MANBA: variants seen among roughly 807,000 people sequenced by gnomAD.
MANBA encodes the protein mannosidase beta, also known as beta-mannosidase.
In MANBA, 83 loss-of-function variants were observed where a neutral mutation model predicts 111.1. The observed-to-expected ratio is 0.75, with a 90% CI of 0.63 to 0.90. MANBA has a LOEUF of 0.90. MANBA is among the 40% of genes least tolerant of loss of function. The pLI is 0.00. For missense variants in MANBA, 1,036 were observed against 1,069.0 expected, an observed-to-expected ratio of 0.97 and a Z score of 0.43; for synonymous variants, 370 against 378.7, an observed-to-expected ratio of 0.98 and a Z score of 0.27.
chr4:102,640,277 A>G (rs1729823360), intron 13 of MANBA, among the ~76,000 whole-genome samples: 1 of 152,240 alleles, frequency 6.6e-6, no homozygotes, highest in South Asian at 2.1e-4. Context: ...TTTTACTAGA[A>G]AAAATTCTAT....
chr4:102,735,069 G>A (rs1723163511), intron 1 of MANBA, among the ~76,000 whole-genome samples: 1 of 152,110 alleles, frequency 6.6e-6, no homozygotes, highest in Non-Finnish European at 1.5e-5. Flanking sequence ...TGTGTAGACA[G>A]AGCCAGGCCT....
intron 1 of MANBA, among the ~76,000 whole-genome samples, chr4:102,744,681 T>C (rs561712226): frequency 6.6e-6 from 1 of 152,190 alleles, no homozygotes; most frequent in Non-Finnish European, 1.5e-5. Context: ...TTGGTTAAGT[T>C]TACAACAATC....
rs1483686622 is a variant in MANBA at position 102,689,599 on chromosome 4, C to T, written c.935G>A (p.Gly312Asp). 3 of 1,604,252 alleles carry T rather than the reference C, an allele frequency of 1.9e-6. No homozygotes were observed. Among genetic ancestry groups the T allele is most frequent in the Admixed American group, 3.3e-5 (2 of 59,852 alleles). The change falls in exon 7 of 17, where the codon GGC becomes GAC. Residue 312 changes from glycine to aspartate, a missense_variant. Coordinates refer to ENST00000647097, the MANE Select transcript of MANBA (RefSeq NM_005908.4). The part of the protein sequence containing the change: ...NMTVLFELDG[G>D]LNIEKSAKVY... The stretch of plus-strand genomic sequence containing the variant: ...CTTAGCTGATTTTTCAATATTTAAG[C>T]CTCCATCCAGTTCAAAAAGAACAGT...
At chr4:102,720,173 G>A (rs1433854313) in intron 4 of MANBA, among the ~76,000 whole-genome samples, 1 of 152,120 alleles carries the variant, frequency 6.6e-6, no homozygotes, top group Non-Finnish European at 1.5e-5. Context: ...AGTAGCTCAC[G>A]CCTGTAATCC....
At chr4:102,701,742 T>C (rs1733059130) in intron 5 of MANBA, among the ~76,000 whole-genome samples, 2 of 152,176 alleles carry the variant, frequency 1.3e-5, no homozygotes, top group Non-Finnish European at 2.9e-5. Context: ...GTTAGTCTGA[T>C]GGGCTTCCCT....
At chr4:102,693,009 C>T (rs1429621476) in intron 5 of MANBA, among the ~76,000 whole-genome samples, 1 of 152,174 alleles carries the variant, frequency 6.6e-6, no homozygotes, top group East Asian at 1.9e-4. Context: ...CAGCCAAAAG[C>T]ATAGATTTGA....
At chr4:102,656,304 A>T (rs755818382) in intron 12 of MANBA, among the ~76,000 whole-genome samples, 1 of 152,140 alleles carries the variant, frequency 6.6e-6, no homozygotes, top group Non-Finnish European at 1.5e-5. Context: ...TTCTCAAAGG[A>T]AGATATACAA....
In MANBA at chr4:102,756,543, G is replaced by A. The variant is rs757186147; in HGVS notation, c.177+4175C>T. On this transcript the variant is annotated intron_variant, in intron 1 of 16. Transcript: ENST00000647097. ...ATGTAAATGAGGTTAACGGGTCAAC[G>A]GGTGCAGCACACCAACATGGCACAT... Among the ~76,000 whole-genome samples, 49 of 151,988 alleles carry A rather than the reference G, an allele frequency of 3.2e-4. 1 individual carries two copies. The highest frequency in any genetic ancestry group is 2.9e-3 in the South Asian group (14 of 4,812).
chr4:102,696,529 C>G (rs1732715006), intron 5 of MANBA, among the ~76,000 whole-genome samples: 1 of 151,920 alleles, frequency 6.6e-6, no homozygotes, highest in Admixed American at 6.6e-5. Flanking sequence ...TAAAATATAC[C>G]CAAGTGTCGC....
intron 5 of MANBA, among the ~76,000 whole-genome samples, chr4:102,697,341 CTTTAT>C (rs139056472): frequency 0.029 from 4,417 of 151,620 alleles, 130 homozygotes; most frequent in African/African-American, 0.078. Flanking sequence ...ACTGACAAAT[CTTTAT>C]TTTATTTTAT....
In MANBA at chr4:102,634,815, G is replaced by A. The variant is rs781189587; in HGVS notation, c.2388C>T (p.Ala796=). Residue 796 remains alanine, a synonymous_variant, in exon 16 of 17, where the codon GCC becomes GCT. Coordinates refer to ENST00000647097, the MANE Select transcript of MANBA (RefSeq NM_005908.4). The stretch of plus-strand genomic sequence containing the variant: ...TGATCTGCGCCTTGCAGAGCCCCAC[G>A]GCCTCCTTCGGTGAGGACAAGAAGT... ...NYHFLSSPKE[A]VGLCKAQITA... The A allele has an allele frequency of 1.2e-5, 19 of 1,613,912 alleles. No individual in the cohort carries two copies. Among genetic ancestry groups the A allele is most frequent in the East Asian group, 4.5e-5 (2 of 44,894 alleles).
rs772435254 is a variant in MANBA, at chr4:102,690,634, C to A, written c.811G>T (p.Gly271Trp). The change falls in exon 6 of 17, where the codon GGG (glycine) becomes TGG (tryptophan). Residue 271 changes from glycine (G) to tryptophan (W), a missense_variant. By Grantham distance (184) the Gly-to-Trp change is radical (BLOSUM62 -2). Coordinates refer to ENST00000647097, the MANE Select transcript of MANBA (RefSeq NM_005908.4). Reference sequence around the variant, plus strand: ...ACAAATAGCTCAACAATCCTTTTCCCAGGTTGAAGTTCAATGCTGTATGTC... The same window carrying A: ...ACAAATAGCTCAACAATCCTTTTCCAAGGTTGAAGTTCAATGCTGTATGTC... ...QQTYSIELQPGKRIVELFVNI... is the reference protein window; with the variant it reads ...QQTYSIELQPWKRIVELFVNI... 9.9e-6 allele frequency: 16 copies of A among 1,612,496 alleles called. No individual in the cohort carries two copies. The African/African-American group carries it at 1.3e-4, about 13-fold the overall frequency.
intron 8 of MANBA, 104 bp downstream of exon 8, chr4:102,673,815 T>C (rs1034361977): frequency 1.9e-5 from 20 of 1,053,860 alleles, no homozygotes; most frequent in Non-Finnish European, 2.6e-5. Flanking sequence ...ATACTACCTC[T>C]TAGTTCCTTG....
At chr4:102,737,820 T>G (rs1560807357) in intron 1 of MANBA, among the ~76,000 whole-genome samples, 3 of 152,154 alleles carry the variant, frequency 2.0e-5, no homozygotes, top group Non-Finnish European at 2.9e-5. Context: ...CCTAGCGAAC[T>G]GTATGATGCA....
chr4:102,639,702 G>A lies in MANBA; in HGVS notation c.2014+11C>T. On this transcript the variant is annotated intron_variant, in intron 14 of 16. Coordinates refer to ENST00000647097, the MANE Select transcript of MANBA (RefSeq NM_005908.4). ...TTCTCTCACTCGCACAAAGAACGCT[G>A]AAATGCTTACCAAGAGAAGCCCAGG... 6.2e-7 allele frequency: 1 copy of A among 1,614,076 alleles called. No homozygotes were observed. The highest frequency in any genetic ancestry group is 8.5e-7 in the Non-Finnish European group (1 of 1,179,974).
At chr4:102,713,855 C>T in intron 5 of MANBA, among the ~76,000 whole-genome samples, 1 of 146,856 alleles carries the variant, frequency 6.8e-6, no homozygotes, top group East Asian at 2.0e-4. Context: ...AAGATTGTGC[C>T]ACTGCACTCC....
chr4:102,633,253 C>T (rs989278883), intron 16 of MANBA: 1 of 398,506 alleles, frequency 2.5e-6, no homozygotes, highest in African/African-American at 2.1e-5. Flanking sequence ...GATCGCACCG[C>T]CCAGCTGTTC....
chr4:102,706,500 G>T (rs556527017), intron 5 of MANBA, among the ~76,000 whole-genome samples: 1 of 152,188 alleles, frequency 6.6e-6, no homozygotes, highest in Non-Finnish European at 1.5e-5. Flanking sequence ...AGAAGAAGTG[G>T]TTGTTATACC....
intron 13 of MANBA, among the ~76,000 whole-genome samples, chr4:102,641,618 G>C (rs1729882106): frequency 6.6e-6 from 1 of 152,100 alleles, no homozygotes; most frequent in Admixed American, 6.6e-5. Context: ...ATCTCACAAA[G>C]CAAGCAGCAT....
Sources: gnomAD v4.1 joint callset for allele counts (sites outside exome capture counted in the v4.1 genomes callset) on GRCh38, gnomAD v4.1.1 for gene constraint, MANE v1.5 for transcripts, NCBI Gene and HGNC (gene_info 2026-07-23, HGNC 2026-07-21) for gene names.